PRELID2: variants seen among roughly 807,000 people sequenced by gnomAD.
PRELID2 encodes PRELI domain containing 2, also known as PRELI domain-containing protein 2.
Under a neutral mutation model 28.4 loss-of-function variants are expected in PRELID2, and 25 were observed. That is an observed-to-expected ratio of 0.88 (90% CI 0.64 to 1.23). The LOEUF (loss-of-function observed/expected upper bound fraction) is 1.23. PRELID2 is among the 50% of genes most tolerant of loss of function. The pLI is 0.00. For synonymous variants in PRELID2, 76 were observed against 71.6 expected (o/e 1.06, Z -0.31); for missense variants, 201 against 214.4 (o/e 0.94, Z 0.39).
At chr5:145,547,061 GT>G (rs1752794059) in intron 1 of PRELID2, among the ~76,000 whole-genome samples, 4 of 152,136 alleles carry the variant, frequency 2.6e-5, no homozygotes, top group Admixed American at 2.6e-4. Context: ...TCAATACTTG[GT>G]ATTATATGTA....
At chr5:145,477,480 T>C (rs1752113579) in intron 1 of PRELID2, among the ~76,000 whole-genome samples, 2 of 152,202 alleles carry the variant, frequency 1.3e-5, no homozygotes, top group South Asian at 4.1e-4. Context: ...CTGATTCATA[T>C]GATTTATGCA....
chr5:145,377,695 C>A, the PRELID2 span, among the ~76,000 whole-genome samples: 1 of 151,808 alleles, frequency 6.6e-6, no homozygotes, highest in Non-Finnish European at 1.5e-5. Flanking sequence ...ACCCCGTTTT[C>A]TTGGTAAATT....
the PRELID2 span, among the ~76,000 whole-genome samples, chr5:145,418,392 T>G: frequency 6.6e-6 from 1 of 152,132 alleles, no homozygotes; most frequent in Non-Finnish European, 1.5e-5. Flanking sequence ...AAAAACTATT[T>G]TAAAATTCAT....
intron 1 of PRELID2, among the ~76,000 whole-genome samples, chr5:145,700,315 T>G (rs1412061981): frequency 6.6e-6 from 1 of 152,082 alleles, no homozygotes. Flanking sequence ...ACTTCAGTGA[T>G]GTATGTGAAT....
At chr5:145,795,959 A>G (rs977308478) in intron 5 of PRELID2, 4 of 152,744 alleles carry the variant, frequency 2.6e-5, no homozygotes, top group Admixed American at 6.5e-5. Flanking sequence ...TTTGAAAACT[A>G]TAAGAGTGGA....
intron 1 of PRELID2, among the ~76,000 whole-genome samples, chr5:145,576,817 G>A (rs1753064799): frequency 6.6e-6 from 1 of 152,062 alleles, no homozygotes; most frequent in African/African-American, 2.4e-5. Context: ...GAATTGTAAT[G>A]TTCTCACTAC....
intron 1 of PRELID2, among the ~76,000 whole-genome samples, chr5:145,610,069 C>A (rs2149644193): frequency 6.6e-6 from 1 of 152,308 alleles, no homozygotes; most frequent in African/African-American, 2.4e-5. Flanking sequence ...GCCCAGGTAG[C>A]TCTCTGCCTC....
the PRELID2 span, among the ~76,000 whole-genome samples, chr5:145,273,305 G>T: frequency 6.6e-6 from 1 of 152,092 alleles, no homozygotes; most frequent in Admixed American, 6.6e-5. Flanking sequence ...TGGACTGGGA[G>T]CAAATGCTTT....
chr5:145,595,734 C>T (rs1387810815), intron 1 of PRELID2, among the ~76,000 whole-genome samples: 1 of 152,166 alleles, frequency 6.6e-6, no homozygotes, highest in Non-Finnish European at 1.5e-5. Flanking sequence ...CTAAAAGTAG[C>T]ATCATCAAAA....
intron 1 of PRELID2, among the ~76,000 whole-genome samples, chr5:145,562,848 T>C (rs567495148): frequency 6.6e-6 from 1 of 152,172 alleles, no homozygotes; most frequent in African/African-American, 2.4e-5. Flanking sequence ...AAATACATAA[T>C]TCTGGCACTT....
At chr5:145,342,492 T>C in the PRELID2 span, among the ~76,000 whole-genome samples, 1 of 152,166 alleles carries the variant, frequency 6.6e-6, no homozygotes, top group Non-Finnish European at 1.5e-5. Flanking sequence ...ATGTCAATAA[T>C]AATCTTGAAT....
the PRELID2 span, among the ~76,000 whole-genome samples, chr5:145,433,809 C>A: frequency 6.6e-6 from 1 of 152,172 alleles, no homozygotes; most frequent in African/African-American, 2.4e-5. Flanking sequence ...GGCATGGTAG[C>A]TTCTTCCTGC....
At chr5:145,643,795 C>A (rs188962108) in intron 1 of PRELID2, among the ~76,000 whole-genome samples, 2 of 151,930 alleles carry the variant, frequency 1.3e-5, no homozygotes, top group African/African-American at 4.8e-5. Flanking sequence ...CATTGGTTCT[C>A]TTTATGTGAT....
At chr5:145,283,107 C>G in the PRELID2 span, among the ~76,000 whole-genome samples, 24 of 152,228 alleles carry the variant, frequency 1.6e-4, no homozygotes, top group African/African-American at 5.1e-4. Flanking sequence ...TTCAGCCGCC[C>G]CTAGAATCAG....
chr5:145,233,823 TA>T, the PRELID2 span, among the ~76,000 whole-genome samples: 1 of 152,166 alleles, frequency 6.6e-6, no homozygotes, highest in Non-Finnish European at 1.5e-5. Flanking sequence ...CAAGCTAGCC[TA>T]AGCATTATGT....
At chr5:145,314,735 A>G in the PRELID2 span, among the ~76,000 whole-genome samples, 88 of 152,144 alleles carry the variant, frequency 5.8e-4, no homozygotes, top group African/African-American at 2.1e-3. Context: ...CCTGGGCACT[A>G]TAAATTAAGG....
At chr5:145,379,508 A>T in the PRELID2 span, among the ~76,000 whole-genome samples, 1 of 152,168 alleles carries the variant, frequency 6.6e-6, no homozygotes, top group Admixed American at 6.5e-5. Context: ...CCCAGCAAGC[A>T]AGAGTGGTCA....
the PRELID2 span, among the ~76,000 whole-genome samples, chr5:145,459,317 C>T: frequency 1.3e-5 from 2 of 152,176 alleles, no homozygotes; most frequent in Non-Finnish European, 1.5e-5. Context: ...CTAGATGCTA[C>T]ATCATAACTG....
intron 1 of PRELID2, among the ~76,000 whole-genome samples, chr5:145,711,743 G>A (rs1755701480): frequency 6.6e-6 from 1 of 152,058 alleles, no homozygotes; most frequent in Admixed American, 6.6e-5. Flanking sequence ...GTGGGTTGGG[G>A]GGCGGGGGCA....
Sources: allele counts gnomAD v4.1 joint callset (sites outside exome capture counted in the v4.1 genomes callset), GRCh38; gene constraint gnomAD v4.1.1; transcripts MANE v1.5; gene names NCBI Gene and HGNC (gene_info 2026-07-23, HGNC 2026-07-21).